The following COLQ variants were observed in gnomAD, a reference collection of about 807,000 sequenced individuals.
COLQ encodes collagen like tail subunit of asymmetric acetylcholinesterase.
A neutral mutation model predicts 69.0 loss-of-function variants in COLQ; 48 were observed. The ratio of observed to expected loss-of-function variants is 0.70; its 90% CI spans 0.55 to 0.88. COLQ has a LOEUF of 0.88. COLQ is among the 40% of genes least tolerant of loss of function. The probability of loss-of-function intolerance (pLI) is 0.00; values close to 1 mark genes in which losing one functional copy is unlikely to be tolerated. For synonymous variants in COLQ, 217 were observed against 211.2 expected (o/e 1.03, Z -0.24); for missense variants, 618 against 594.6 (o/e 1.04, Z -0.41).
chr3:15,458,137 G>A, intron 13 of COLQ, 49 bp downstream of exon 13: 2 of 1,605,704 alleles, frequency 1.2e-6, no homozygotes, highest in South Asian at 1.1e-5. Context: ...AGGATCAGGT[G>A]AGAGGTCCTC....
intron 1 of COLQ, among the ~76,000 whole-genome samples, chr3:15,491,855 C>T (rs111999345): frequency 1.4e-4 from 21 of 152,096 alleles, no homozygotes; most frequent in Admixed American, 1.1e-3. Context: ...GTCAAGAGAT[C>T]GAGACCATCC....
intron 1 of COLQ, among the ~76,000 whole-genome samples, chr3:15,503,985 TG>T (rs2125167252): frequency 6.6e-6 from 1 of 152,240 alleles, no homozygotes; most frequent in Admixed American, 6.5e-5. Context: ...TGTTCATCTC[TG>T]GGTTTCAGTT....
chr3:15,498,428 T>A, intron 1 of COLQ: 1 of 1,426,274 alleles, frequency 7.0e-7, no homozygotes, highest in South Asian at 1.3e-5. Flanking sequence ...TAGTACAGTC[T>A]GCTTTCCAAG....
intron 3 of COLQ, among the ~76,000 whole-genome samples, chr3:15,479,965 T>C (rs2062450135): frequency 6.6e-6 from 1 of 152,200 alleles, no homozygotes; most frequent in African/African-American, 2.4e-5. Flanking sequence ...TTTTTGTGCC[T>C]TGGAGAGGAG....
At chr3:15,471,481 G>T (rs1029002700) in intron 10 of COLQ, among the ~76,000 whole-genome samples, 2 of 152,164 alleles carry the variant, frequency 1.3e-5, no homozygotes, top group Non-Finnish European at 2.9e-5. Context: ...CCCACAGGGC[G>T]CTTCATTCCT....
intron 1 of COLQ, among the ~76,000 whole-genome samples, chr3:15,505,304 G>A (rs1243115144): frequency 1.3e-5 from 2 of 152,136 alleles, no homozygotes; most frequent in Admixed American, 6.6e-5. Context: ...CCACAGAGAT[G>A]TCTTGAGGAG....
chr3:15,455,785 C>T (rs1042986902), intron 15 of COLQ, 114 bp downstream of exon 15: 1 of 1,431,748 alleles, frequency 7.0e-7, no homozygotes. Flanking sequence ...TGGGTATACC[C>T]TTCTCTGGCT....
chr3:15,463,803 A>C (rs1248913769), intron 12 of COLQ, among the ~76,000 whole-genome samples: 9 of 152,140 alleles, frequency 5.9e-5, no homozygotes, highest in Admixed American at 5.2e-4. Context: ...GAGGAAGAGG[A>C]CTAGTTGAAA....
intron 1 of COLQ, chr3:15,498,595 C>G (rs1352847910): frequency 3.2e-6 from 5 of 1,551,864 alleles, no homozygotes; most frequent in Admixed American, 2.0e-5. Flanking sequence ...CATTGTGAGG[C>G]AGGGCCCAAA....
chr3:15,482,416 T>G (rs2062502689), intron 3 of COLQ, among the ~76,000 whole-genome samples: 1 of 152,244 alleles, frequency 6.6e-6, no homozygotes, highest in South Asian at 2.1e-4. Flanking sequence ...GTTTTTAGCA[T>G]GAAGGGCTGT....
Position 15,513,082 on chromosome 3 carries a change from CATT to C in COLQ, c.106+8435_106+8437del, listed in dbSNP as rs576817225. On this transcript the variant is annotated intron_variant, in intron 1 of 16. Transcript: ENST00000383788. ...AGGGGTACTAATGGCTACCTTGTGA[CATT>C]GTTGTGAAGATTAAATATAATATGT... 3.3e-4 allele frequency among the ~76,000 whole-genome samples: 50 copies of C among 152,262 alleles called. 1 individual carries two copies. In the East Asian group the frequency reaches 9.2e-3, roughly 28 times the overall value.
chr3:15,489,981 G>A (rs2062637498), intron 1 of COLQ, among the ~76,000 whole-genome samples: 1 of 152,202 alleles, frequency 6.6e-6, no homozygotes, highest in Admixed American at 6.5e-5. Context: ...AGTAGTTGAG[G>A]AGAAGAAAGT....
intron 1 of COLQ, among the ~76,000 whole-genome samples, chr3:15,497,741 C>T (rs544781736): frequency 6.6e-6 from 1 of 152,324 alleles, no homozygotes; most frequent in Non-Finnish European, 1.5e-5. Flanking sequence ...AGGGCACACG[C>T]TGTATGGCAG....
intron 1 of COLQ, among the ~76,000 whole-genome samples, chr3:15,516,655 C>T (rs1258241980): frequency 6.6e-6 from 1 of 152,204 alleles, no homozygotes; most frequent in Non-Finnish European, 1.5e-5. Context: ...TCCCCACCCC[C>T]AAACACCCTG....
intron 12 of COLQ, among the ~76,000 whole-genome samples, chr3:15,460,892 A>G (rs2062101993): frequency 6.6e-6 from 1 of 152,154 alleles, no homozygotes; most frequent in Non-Finnish European, 1.5e-5. Flanking sequence ...GCATTGGAAC[A>G]GCCTTCCAGA....
chr3:15,479,255 A>T, intron 4 of COLQ, 83 bp downstream of exon 4: 3 of 1,458,284 alleles, frequency 2.1e-6, no homozygotes, highest in Non-Finnish European at 2.9e-6. Context: ...GGAAATCTCA[A>T]CTAGGAAATT....
intron 1 of COLQ, among the ~76,000 whole-genome samples, chr3:15,512,640 A>G (rs2063002862): frequency 6.6e-6 from 1 of 152,190 alleles, no homozygotes; most frequent in Non-Finnish European, 1.5e-5. Flanking sequence ...CTTTTGACAC[A>G]ATTAATTATG....
chr3:15,521,656 G>C lies in COLQ; in HGVS notation c.-31C>G. 1 of 1,613,846 alleles carries C rather than the reference G, an allele frequency of 6.2e-7. No individual in the cohort carries two copies. The highest frequency in any genetic ancestry group is 8.5e-7 in the Non-Finnish European group (1 of 1,179,970). ...CCAGGGTCTGGCGAGGGTCAAGTTA[G>C]AAAGGAGGCTGCTGCGGAGCCTTGC... On this transcript the variant is annotated 5_prime_UTR_variant, in exon 1 of 17. Coordinates refer to ENST00000383788, the MANE Select transcript of COLQ (RefSeq NM_005677.4).
At chr3:15,483,368 C>G (rs1376645742) in intron 3 of COLQ, among the ~76,000 whole-genome samples, 1 of 152,176 alleles carries the variant, frequency 6.6e-6, no homozygotes, top group Non-Finnish European at 1.5e-5. Context: ...AAATTTCCCC[C>G]TACACACTGC....
Sources: allele counts gnomAD v4.1 joint callset (sites outside exome capture counted in the v4.1 genomes callset), GRCh38; gene constraint gnomAD v4.1.1; transcripts MANE v1.5; gene names NCBI Gene and HGNC (gene_info 2026-07-23, HGNC 2026-07-21).